The following GOLM1 variants were observed in gnomAD, a reference collection of about 807,000 sequenced individuals.
The protein encoded by GOLM1 is golgi membrane protein 1.
In GOLM1, 31 loss-of-function variants were observed where a neutral mutation model predicts 50.5. The observed-to-expected ratio is 0.61, with a 90% CI of 0.46 to 0.83. The LOEUF (loss-of-function observed/expected upper bound fraction) is 0.83. Among genes scored for constraint, GOLM1 ranks in the 40% least tolerant of loss-of-function variants. The pLI, the probability that GOLM1 is intolerant of heterozygous loss-of-function variation, is 0.00. For synonymous variants in GOLM1, 178 were observed against 192.8 expected (o/e 0.92, Z 0.64); for missense variants, 491 against 501.3 (o/e 0.98, Z 0.20).
chr9:86,029,137 G>A (rs1049150648), intron 9 of GOLM1, among the ~76,000 whole-genome samples: 3 of 152,106 alleles, frequency 2.0e-5, no homozygotes, highest in East Asian at 1.9e-4. Context: ...GATTACAAGC[G>A]TGAGCAACCA....
chr9:86,032,343 CTT>C (rs1311321342), intron 9 of GOLM1, among the ~76,000 whole-genome samples: 1 of 151,866 alleles, frequency 6.6e-6, no homozygotes, highest in Non-Finnish European at 1.5e-5. Context: ...AATTTTTTCT[CTT>C]TTTAGTAGAG....
intron 3 of GOLM1, among the ~76,000 whole-genome samples, chr9:86,064,553 A>G (rs1432591160): frequency 6.6e-6 from 1 of 151,904 alleles, no homozygotes; most frequent in Non-Finnish European, 1.5e-5. Context: ...CCTGCTCCCC[A>G]CCCAGCCCTC....
chr9:86,029,425 A>G (rs1327695927), intron 9 of GOLM1, among the ~76,000 whole-genome samples: 1 of 152,166 alleles, frequency 6.6e-6, no homozygotes, highest in African/African-American at 2.4e-5. Context: ...TTGTGACTCC[A>G]AAGCTCTCCC....
In GOLM1 at chr9:86,026,899, T is replaced by TATATA; in HGVS notation, c.*917_*918insTATAT. 3 of 984,638 alleles carry TATATA rather than the reference T, an allele frequency of 3.0e-6. No individual in the cohort carries two copies. 61.0% of individuals were successfully genotyped at this position (984,638 alleles called of 1,614,324 possible). ...CTAATTTCTAACACTGTATATATCCTTCGACATCAATGAACTTTGTTTTCT... is the reference window on the plus strand; with the variant it reads ...CTAATTTCTAACACTGTATATATCCTATATATCGACATCAATGAACTTTGTTTTCT... On this transcript the variant is annotated 3_prime_UTR_variant, in exon 10 of 10. Coordinates refer to ENST00000388712, the MANE Select transcript of GOLM1 (RefSeq NM_016548.4).
chr9:86,065,722 T>C (rs774916273), intron 3 of GOLM1, among the ~76,000 whole-genome samples: 27 of 152,274 alleles, frequency 1.8e-4, no homozygotes, highest in Non-Finnish European at 3.7e-4. Flanking sequence ...GACTGTCTCC[T>C]AAAGAAATGA....
intron 6 of GOLM1, among the ~76,000 whole-genome samples, chr9:86,039,544 G>A (rs978841103): frequency 3.3e-5 from 5 of 152,274 alleles, no homozygotes; most frequent in African/African-American, 9.6e-5. Flanking sequence ...CACTCCAAAT[G>A]CCCATCAACT....
intron 1 of GOLM1, among the ~76,000 whole-genome samples, chr9:86,083,361 T>C (rs1834845151): frequency 6.6e-6 from 1 of 152,216 alleles, no homozygotes; most frequent in African/African-American, 2.4e-5. Flanking sequence ...TCAGTACAGA[T>C]GCAACCACAG....
intron 3 of GOLM1, among the ~76,000 whole-genome samples, chr9:86,059,369 A>G (rs998667153): frequency 3.3e-5 from 5 of 152,262 alleles, no homozygotes; most frequent in Non-Finnish European, 7.3e-5. Context: ...GCCATAGGAG[A>G]GAAGTATTAC....
intron 5 of GOLM1, among the ~76,000 whole-genome samples, chr9:86,044,431 G>A (rs1453507724): frequency 4.6e-5 from 7 of 152,166 alleles, no homozygotes; most frequent in Non-Finnish European, 1.0e-4. Context: ...GCCGAAGAAC[G>A]CAATGCACGT....
At chr9:86,085,757 T>C (rs1473585459) in intron 1 of GOLM1, among the ~76,000 whole-genome samples, 1 of 152,184 alleles carries the variant, frequency 6.6e-6, no homozygotes, top group Non-Finnish European at 1.5e-5. Flanking sequence ...CTGTGTTAGT[T>C]TGCTGAGAAT....
At chr9:86,073,534 G>T (rs1834516727) in intron 3 of GOLM1, among the ~76,000 whole-genome samples, 1 of 152,156 alleles carries the variant, frequency 6.6e-6, no homozygotes, top group African/African-American at 2.4e-5. Flanking sequence ...TTTCAGGGGG[G>T]TGCACAACTC....
chr9:86,032,065 A>G (rs1165960382), intron 9 of GOLM1, among the ~76,000 whole-genome samples: 1 of 151,610 alleles, frequency 6.6e-6, no homozygotes, highest in Non-Finnish European at 1.5e-5. Flanking sequence ...TATAGCTGCC[A>G]CTCTACAGAA....
At chr9:86,098,163 T>A (rs975876646) in intron 1 of GOLM1, among the ~76,000 whole-genome samples, 9 of 152,224 alleles carry the variant, frequency 5.9e-5, no homozygotes, top group African/African-American at 2.2e-4. Flanking sequence ...ATCCTAACAA[T>A]TCAATTTTTG....
intron 1 of GOLM1, among the ~76,000 whole-genome samples, chr9:86,083,994 C>T (rs945578317): frequency 2.0e-5 from 3 of 152,162 alleles, no homozygotes; most frequent in Non-Finnish European, 1.5e-5. Flanking sequence ...TGTCCTAGAT[C>T]CTCCTGGGGC....
chr9:86,043,076 G>A (rs147471908), intron 5 of GOLM1, among the ~76,000 whole-genome samples: 123 of 152,282 alleles, frequency 8.1e-4, no homozygotes, highest in Non-Finnish European at 1.3e-3. Context: ...GGATCTATCA[G>A]GGCAGGTGAT....
intron 3 of GOLM1, among the ~76,000 whole-genome samples, chr9:86,077,127 G>GA (rs955297960): frequency 2.6e-5 from 4 of 151,472 alleles, no homozygotes; most frequent in Admixed American, 6.6e-5. Flanking sequence ...AAAGTGGGAA[G>GA]AAAAAACCCA....
intron 1 of GOLM1, chr9:86,080,101 A>G (rs1834742842): frequency 6.6e-6 from 1 of 152,090 alleles, no homozygotes; most frequent in South Asian, 2.1e-4. Context: ...CAAGGCATTC[A>G]CTCCATGCCA....
chr9:86,084,293 A>G (rs1218130926), intron 1 of GOLM1, among the ~76,000 whole-genome samples: 1 of 152,212 alleles, frequency 6.6e-6, no homozygotes, highest in African/African-American at 2.4e-5. Flanking sequence ...TTACAAAGGG[A>G]AAAACAGTTC....
chr9:86,053,456 ACAT>A (rs1833846977), intron 3 of GOLM1, among the ~76,000 whole-genome samples: 2 of 130,740 alleles, frequency 1.5e-5, no homozygotes, highest in African/African-American at 2.8e-5. Context: ...ATACCAAACC[ACAT>A]CACACCACAC....
Sources: gnomAD v4.1 joint callset for allele counts (sites outside exome capture counted in the v4.1 genomes callset) on GRCh38, gnomAD v4.1.1 for gene constraint, MANE v1.5 for transcripts, NCBI Gene and HGNC (gene_info 2026-07-23, HGNC 2026-07-21) for gene names.